The following ITGA7 variants were observed in gnomAD, a reference collection of about 807,000 sequenced individuals.
ITGA7 encodes the protein integrin alpha-7.
In ITGA7, 84 loss-of-function variants were observed where a neutral mutation model predicts 131.6. The ratio of observed to expected loss-of-function variants is 0.64; its 90% CI spans 0.54 to 0.77. ITGA7 has a LOEUF of 0.77. Ranked by LOEUF, ITGA7 falls within the 30% of genes least tolerant of loss-of-function variation. The pLI, the probability that ITGA7 is intolerant of heterozygous loss-of-function variation, is 0.00. For synonymous variants in ITGA7, 548 were observed against 600.7 expected (o/e 0.91, Z 1.28); for missense variants, 1,399 against 1,482.9 (o/e 0.94, Z 0.93).
Position 55,693,255 on chromosome 12 carries a change from AG to A in ITGA7, c.2597del (p.Pro866LeufsTer126). 1.9e-6 allele frequency: 3 copies of A among 1,613,988 alleles called. No individual in the cohort carries two copies. The highest frequency in any genetic ancestry group is 2.5e-6 in the Non-Finnish European group (3 of 1,179,978). ...LGSAFLNIMW[P>X]HEIANGKWLL... The stretch of plus-strand genomic sequence containing the variant: ...ACCACTTCCCATTGGCAATCTCATG[AG>A]GCCACATGATGTTGAGGAAGGCAGA... On this transcript the variant is annotated frameshift_variant, in exon 20 of 25. Coordinates refer to ENST00000257879, the MANE Select transcript of ITGA7 (RefSeq NM_002206.3). LOFTEE classifies it high-confidence loss of function.
At position 55,697,978 on chromosome 12, in the gene ITGA7, T is replaced by G; in HGVS notation, c.1241A>C (p.Tyr414Ser). The G allele has an allele frequency of 6.2e-7, 1 of 1,614,124 alleles. No homozygotes were observed. The highest frequency in any genetic ancestry group is 8.5e-7 in the Non-Finnish European group (1 of 1,180,030). Residue 414 changes from tyrosine (Y) to serine (S), a missense_variant, in exon 8 of 25, where the codon TAC becomes TCC. Transcript: ENST00000257879. The part of the protein sequence containing the change: ...PFDGDGKVFI[Y>S]HGSSLGVVAK... Reference sequence around the variant, plus strand: ...GACAACCCCCAGGCTGCTCCCATGGTAGATGAAGACTTTCCCATCACCATC... The same window carrying G: ...GACAACCCCCAGGCTGCTCCCATGGGAGATGAAGACTTTCCCATCACCATC...
At chr12:55,708,012 C>T, upstream of ITGA7, 1 of 1,208,576 alleles carries the variant, frequency 8.3e-7, no homozygotes, top group African/African-American at 1.6e-5. Flanking sequence ...AGGGGATGCC[C>T]AGGCTGGTGG....
chr12:55,712,200 T>C (rs955738821), upstream of ITGA7: 16 of 1,551,484 alleles, frequency 1.0e-5, no homozygotes, highest in Admixed American at 3.1e-4. Flanking sequence ...ACCGCTCCGG[T>C]CTTTGACGAT....
chr12:55,713,288 G>A (rs988610073), upstream of ITGA7, among the ~76,000 whole-genome samples: 18 of 152,164 alleles, frequency 1.2e-4, no homozygotes, highest in Non-Finnish European at 2.4e-4. Flanking sequence ...CTCTGGAGCA[G>A]AGCCTCTTCT....
intron 22 of ITGA7, 105 bp downstream of exon 22, chr12:55,688,739 G>C (rs998689381): frequency 1.7e-5 from 15 of 869,156 alleles, no homozygotes; most frequent in East Asian, 1.3e-4. Context: ...AAAAAAAAGG[G>C]GGGGGATGCT....
At chr12:55,704,320 C>A (rs1874729068) in intron 1 of ITGA7, among the ~76,000 whole-genome samples, 1 of 152,228 alleles carries the variant, frequency 6.6e-6, no homozygotes, top group Non-Finnish European at 1.5e-5. Context: ...GAGAGCCATT[C>A]TTCCTTCCCA....
upstream of ITGA7, among the ~76,000 whole-genome samples, chr12:55,715,425 C>A (rs1296944960): frequency 6.6e-6 from 1 of 152,094 alleles, no homozygotes; most frequent in African/African-American, 2.4e-5. Flanking sequence ...GGAAGCATTT[C>A]TTTTTAGTTC....
In ITGA7 at chr12:55,692,852, T is replaced by C. The variant is rs907727661; in HGVS notation, c.2836A>G (p.Ile946Val). Residue 946 changes from isoleucine to valine, a missense_variant, in exon 21 of 25, where the codon ATC (isoleucine) becomes GTC (valine). By Grantham distance (29) the Ile-to-Val change is conservative. Coordinates refer to ENST00000257879, the MANE Select transcript of ITGA7 (RefSeq NM_002206.3). Reference sequence around the variant, plus strand: ...GTCTGGCCTGCCCTCACCAGGGTGATGTTTTTCTTCTTCTCAGCAGAGGAC... The same window carrying C: ...GTCTGGCCTGCCCTCACCAGGGTGACGTTTTTCTTCTTCTCAGCAGAGGAC... The part of the protein sequence containing the change: ...PVSSAEKKKN[I>V]TLDCARGTAN... 1 of 1,612,092 alleles carries C rather than the reference T, an allele frequency of 6.2e-7. No homozygotes were observed. Among genetic ancestry groups the C allele is most frequent in the African/African-American group, 1.3e-5 (1 of 74,856 alleles).
Position 55,707,614 on chromosome 12 carries a change from G to A in ITGA7, c.69C>T (p.Leu23=), listed in dbSNP as rs146932796. The A allele has an allele frequency of 3.1e-4, 506 of 1,611,808 alleles. 6 individuals carry two copies. The South Asian group carries it at 4.0e-3, about 13-fold the overall frequency. The change falls in exon 1 of 25, where the codon CTC becomes CTT. Residue 23 remains leucine (L), a synonymous_variant. Coordinates refer to ENST00000257879, the MANE Select transcript of ITGA7 (RefSeq NM_002206.3). ...SGICYLFGSL[L]VELLFSRAVA... ...CAGCCCGTGAGAAGAGCAGTTCGAC[G>A]AGCAGGGAGCCAAAAAGGTAGCAAA...
intron 4 of ITGA7, 197 bp from the exon 5 acceptor site, chr12:55,700,186 A>G (rs2136048868): frequency 6.6e-7 from 1 of 1,513,172 alleles, no homozygotes; most frequent in Non-Finnish European, 9.0e-7. Flanking sequence ...AGACAGAAGG[A>G]TGGGAGCATG....
intron 21 of ITGA7, among the ~76,000 whole-genome samples, chr12:55,689,577 G>T (rs945723807): frequency 6.6e-6 from 1 of 152,192 alleles, no homozygotes; most frequent in Non-Finnish European, 1.5e-5. Flanking sequence ...CGACCCATTT[G>T]CCTGAAAGTT....
At chr12:55,715,957 C>T (rs1215638834), upstream of ITGA7, 3 of 1,415,738 alleles carry the variant, frequency 2.1e-6, no homozygotes, top group Non-Finnish European at 2.8e-6. Flanking sequence ...TTCACCTGCC[C>T]TCCGCAACCC....
At chr12:55,714,178 A>T (rs1876330768), upstream of ITGA7, among the ~76,000 whole-genome samples, 1 of 151,338 alleles carries the variant, frequency 6.6e-6, no homozygotes, top group Non-Finnish European at 1.5e-5. Flanking sequence ...GGAGTTCAAG[A>T]CCAGTCTAAC....
In ITGA7 at chr12:55,704,458, T is replaced by C. The variant is rs367940019; in HGVS notation, c.207-1280A>G. 6.4e-4 allele frequency among the ~76,000 whole-genome samples: 97 copies of C among 152,312 alleles called. 1 individual carries two copies. In the East Asian group the frequency reaches 0.012, roughly 19 times the overall value. ...ATTCAACTACTTATTGAGAGTCTATTGTATGCCAAGCCCTGTGTCAGGCGC... is the reference window on the plus strand; with the variant it reads ...ATTCAACTACTTATTGAGAGTCTATCGTATGCCAAGCCCTGTGTCAGGCGC... On this transcript the variant is annotated intron_variant, in intron 1 of 24. Coordinates refer to ENST00000257879, the MANE Select transcript of ITGA7 (RefSeq NM_002206.3).
chr12:55,694,864 C>G lies in ITGA7; in HGVS notation c.2110G>C (p.Asp704His), dbSNP rs1592433547. The change falls in exon 15 of 25, where the codon GAT (aspartate) becomes CAT (histidine). Residue 704 changes from aspartate (D) to histidine (H), a missense_variant. Asp to His is a moderately conservative substitution (Grantham distance 81). Transcript: ENST00000257879. The surrounding 1 kb of genome is among the most constrained non-coding windows in gnomAD (Gnocchi z 5.3). ...TGGGCTTCATGGGCATCATCCCCATCAGCCTGGGGCTGGGCTGGGTCCGAT... is the reference window on the plus strand; with the variant it reads ...TGGGCTTCATGGGCATCATCCCCATGAGCCTGGGGCTGGGCTGGGTCCGAT... Reference protein sequence around the residue: ...LPSDPAQPQADGDDAHEAQLL... With the variant: ...LPSDPAQPQAHGDDAHEAQLL... The G allele has an allele frequency of 6.2e-7, 1 of 1,614,128 alleles. No individual in the cohort carries two copies. Among genetic ancestry groups the G allele is most frequent in the Non-Finnish European group, 8.5e-7 (1 of 1,180,008 alleles).
upstream of ITGA7, among the ~76,000 whole-genome samples, chr12:55,709,654 T>C (rs1000780644): frequency 6.6e-6 from 1 of 152,060 alleles, no homozygotes; most frequent in Non-Finnish European, 1.5e-5. Context: ...AGGACAGAAC[T>C]GGGACTACTG....
intron 1 of ITGA7, among the ~76,000 whole-genome samples, chr12:55,704,274 A>G (rs974559067): frequency 6.6e-6 from 1 of 152,204 alleles, no homozygotes; most frequent in Non-Finnish European, 1.5e-5. Flanking sequence ...TCTGTGGGGC[A>G]CTGTGCCAGC....
upstream of ITGA7, chr12:55,712,420 G>A (rs1368439881): frequency 1.5e-6 from 1 of 653,340 alleles, no homozygotes; most frequent in Non-Finnish European, 2.8e-6. Flanking sequence ...TCCTCCCTCA[G>A]CCCTCATCCA....
upstream of ITGA7, among the ~76,000 whole-genome samples, chr12:55,708,426 C>T (rs1020618252): frequency 1.3e-5 from 2 of 152,026 alleles, no homozygotes; most frequent in African/African-American, 4.8e-5. Context: ...ATCCCATCCC[C>T]CGCCCCCAGC....
Sources: gnomAD v4.1 joint callset for allele counts (sites outside exome capture counted in the v4.1 genomes callset) on GRCh38, gnomAD v4.1.1 for gene constraint, Gnocchi (gnomAD v3.1) non-coding constraint, MANE v1.5 for transcripts, NCBI Gene and HGNC (gene_info 2026-07-23, HGNC 2026-07-21) for gene names.